The following CHRNB3 variants were observed in gnomAD, a reference collection of about 807,000 sequenced individuals.
CHRNB3 encodes cholinergic receptor nicotinic beta 3 subunit.
Under a neutral mutation model 40.6 loss-of-function variants are expected in CHRNB3, and 37 were observed. The observed-to-expected ratio is 0.91, with a 90% CI of 0.70 to 1.20. The LOEUF (loss-of-function observed/expected upper bound fraction) is 1.20. CHRNB3 is among the 50% of genes most tolerant of loss of function. CHRNB3 has a pLI of 0.00. For synonymous variants in CHRNB3, 207 were observed against 207.1 expected (o/e 1.00, Z 0.00); for missense variants, 505 against 551.2 (o/e 0.92, Z 0.84).
chr8:42,705,747 G>GCCT (rs1815910782), intron 1 of CHRNB3: 4 of 152,442 alleles, frequency 2.6e-5, no homozygotes, highest in Admixed American at 2.0e-4. Context: ...CCTGACCTGG[G>GCCT]GATAGATGGA....
Position 42,703,435 on chromosome 8 carries a change from A to AAAAAAAAAAAAATATATATATATATATAT in CHRNB3, c.53-5281_53-5280insAAAAAAAAAAATATATATATATATATATA. ...CAAGACTTCGTCTAAAAAAAAAAAA[A>AAAAAAAAAAAAATATATATATATATATAT]ATATTTATATATATATATATATATA... On this transcript the variant is annotated intron_variant, in intron 1 of 5. Coordinates refer to ENST00000289957, the MANE Select transcript of CHRNB3 (RefSeq NM_000749.5). Among the ~76,000 whole-genome samples the AAAAAAAAAAAAATATATATATATATATAT allele has an allele frequency of 4.6e-4, 22 of 47,380 alleles. 1 individual carries two copies. The highest frequency in any genetic ancestry group is 3.4e-3 in the East Asian group (3 of 874). The allele number at this position is 47,380 out of a possible 152,430, so 31.1% of individuals were successfully genotyped here. A position where few individuals can be genotyped will look rare whatever the true frequency, so the allele number is the denominator to read the frequency against.
intron 2 of CHRNB3, 119 bp from the exon 3 acceptor site, chr8:42,710,271 T>C: frequency 1.3e-6 from 1 of 742,132 alleles, no homozygotes; most frequent in Non-Finnish European, 2.3e-6. Flanking sequence ...TGAGCTATGG[T>C]GGCACCACTG....
intron 5 of CHRNB3, among the ~76,000 whole-genome samples, chr8:42,734,947 G>A (rs1413516815): frequency 1.3e-5 from 2 of 152,006 alleles, no homozygotes; most frequent in African/African-American, 2.4e-5. Flanking sequence ...AGGGCCAGGC[G>A]CGGTAGCTCA....
At chr8:42,725,751 G>A (rs1160450516) in intron 3 of CHRNB3, 1 of 916,632 alleles carries the variant, frequency 1.1e-6, no homozygotes, top group Non-Finnish European at 1.8e-6. Context: ...TCTTATTCGT[G>A]ACCTTGACTT....
Position 42,730,474 on chromosome 8 carries a change from G to A in CHRNB3, c.250-120G>A, listed in dbSNP as rs76413629. ...CCCAGTAGGGTCACGCAGTCCAACC[G>A]GGACAATTTCCTTTTCTTAATAAAA... On this transcript the variant is annotated intron_variant, in intron 3 of 5. Transcript: ENST00000289957. 2,396 of 621,408 alleles carry A rather than the reference G, an allele frequency of 3.9e-3. 52 individuals carry two copies. In the African/African-American group the frequency reaches 0.04, roughly 10 times the overall value. The allele number at this position is 621,408 out of a possible 1,614,324, so 38.5% of individuals were successfully genotyped here. A position where few individuals can be genotyped will look rare whatever the true frequency, so the allele number is the denominator to read the frequency against.
intron 1 of CHRNB3, among the ~76,000 whole-genome samples, chr8:42,701,964 T>C (rs1186796241): frequency 6.6e-6 from 1 of 152,208 alleles, no homozygotes; most frequent in Non-Finnish European, 1.5e-5. Flanking sequence ...AGATGTTAAC[T>C]GCTTGGAATC....
Position 42,697,590 on chromosome 8 carries a change from C to G in CHRNB3, c.44C>G (p.Pro15Arg). ...FMLVLIVLGI[P>R]SSATTGFNSI... ...CTGGTTCTCATCGTCCTTGGCATCC[C>G]TTCCTCAGGTAAGCACAAGTCACAG... The change falls in exon 1 of 6, where the codon CCT becomes CGT. Residue 15 changes from proline to arginine, a missense_variant. Transcript: ENST00000289957. 1.2e-6 allele frequency: 2 copies of G among 1,613,190 alleles called. No individual in the cohort carries two copies. The highest frequency in any genetic ancestry group is 1.7e-6 in the Non-Finnish European group (2 of 1,179,190).
At chr8:42,726,037 A>G in intron 3 of CHRNB3, 2 of 963,972 alleles carry the variant, frequency 2.1e-6, no homozygotes, top group Non-Finnish European at 3.3e-6. Flanking sequence ...GTACCTTGTC[A>G]CGTTTCTGTC....
intron 1 of CHRNB3, among the ~76,000 whole-genome samples, chr8:42,698,378 C>A (rs964150348): frequency 1.3e-5 from 2 of 152,158 alleles, no homozygotes; most frequent in Non-Finnish European, 2.9e-5. Context: ...CATCTGAAAC[C>A]GCAGCCAGAT....
At position 42,736,866 on chromosome 8, in the gene CHRNB3, G is replaced by A; in HGVS notation, c.*248G>A. On this transcript the variant is annotated 3_prime_UTR_variant, in exon 6 of 6. Coordinates refer to ENST00000289957, the MANE Select transcript of CHRNB3 (RefSeq NM_000749.5). ...TTGGCTTTCCCAGACATTCAGGGAGGGATCATAGGTCCAGGCTTGAGCTCA... is the reference window on the plus strand; with the variant it reads ...TTGGCTTTCCCAGACATTCAGGGAGAGATCATAGGTCCAGGCTTGAGCTCA... The A allele has an allele frequency of 1.9e-6, 1 of 536,726 alleles. No individual in the cohort carries two copies. Among genetic ancestry groups the A allele is most frequent in the East Asian group, 3.2e-5 (1 of 30,966 alleles). 33.2% of individuals were successfully genotyped at this position (536,726 alleles called of 1,614,324 possible).
rs1260702406 is a variant in CHRNB3 at position 42,710,385 on chromosome 8, C to T, written c.205-5C>T. 6.3e-7 allele frequency: 1 copy of T among 1,597,856 alleles called. No individual in the cohort carries two copies. Among genetic ancestry groups the T allele is most frequent in the South Asian group, 1.1e-5 (1 of 88,586 alleles). On this transcript the variant is annotated splice_region_variant and splice_polypyrimidine_tract_variant and intron_variant, in intron 2 of 5. Coordinates refer to ENST00000289957, the MANE Select transcript of CHRNB3 (RefSeq NM_000749.5). ...ACAGTATTTTTTAAATTTTCATTTT[C>T]TTAGGATGAAAAGAATCAGCTGATG... is the stretch of plus-strand genomic sequence containing the variant.
At chr8:42,733,592 CT>C (rs1208342996) in intron 5 of CHRNB3, among the ~76,000 whole-genome samples, 16,643 of 101,064 alleles carry the variant, frequency 0.16, 1,165 homozygotes, top group African/African-American at 0.31. Context: ...CATCCTTCTT[CT>C]TTTTTTTTTT....
At chr8:42,717,183 C>T (rs576822238) in intron 3 of CHRNB3, among the ~76,000 whole-genome samples, 19 of 134,106 alleles carry the variant, frequency 1.4e-4, no homozygotes, top group Non-Finnish European at 1.9e-4. Context: ...ACCATCCCGG[C>T]TAAAACGGTG....
chr8:42,698,907 T>A (rs1586388282), intron 1 of CHRNB3, among the ~76,000 whole-genome samples: 1 of 152,340 alleles, frequency 6.6e-6, no homozygotes, highest in South Asian at 2.1e-4. Flanking sequence ...CTGTGTACAA[T>A]CATGATTACA....
At position 42,708,794 on chromosome 8, in the gene CHRNB3, G is replaced by T. The variant is rs757807880; in HGVS notation, c.130G>T (p.Val44Phe). 8.7e-6 allele frequency: 14 copies of T among 1,614,062 alleles called. No individual in the cohort carries two copies. In the East Asian group the frequency reaches 2.9e-4, roughly 33 times the overall value. Residue 44 changes from valine to phenylalanine, a missense_variant, in exon 2 of 6, where the codon GTC (valine) becomes TTC (phenylalanine). By Grantham distance (50) the Val-to-Phe change is conservative. Transcript: ENST00000289957. ...TTTGTTCCAAGGTTATCAGAAATGG[G>T]TCCGCCCTGTATTACATTCTAATGA... The part of the protein sequence containing the change: ...RHLFQGYQKW[V>F]RPVLHSNDTI...
At chr8:42,708,467 A>G (rs1586394702) in intron 1 of CHRNB3, among the ~76,000 whole-genome samples, 1 of 118,036 alleles carries the variant, frequency 8.5e-6, no homozygotes, top group African/African-American at 2.8e-5. Flanking sequence ...CTCTGTCTCA[A>G]AAAAAATACA....
rs927346905 is a variant in CHRNB3 at position 42,702,566 on chromosome 8, C to T, written c.52+4968C>T. Among the ~76,000 whole-genome samples, 3 of 152,052 alleles carry T rather than the reference C, an allele frequency of 2.0e-5. No homozygotes were observed. In the South Asian group the frequency reaches 6.2e-4, roughly 32 times the overall value. On this transcript the variant is annotated intron_variant, in intron 1 of 5. Transcript: ENST00000289957. ...GATCACCAGGTCCAGAGATCGAGAC[C>T]ATCCTGGCCAACATATTGAAACCCT...
intron 3 of CHRNB3, chr8:42,726,203 ATT>A (rs1197750173): frequency 2.1e-5 from 21 of 978,934 alleles, no homozygotes; most frequent in Non-Finnish European, 3.2e-5. Context: ...AACCAAAGGG[ATT>A]TATCTTTGCT....
At chr8:42,703,653 G>T (rs116974994) in intron 1 of CHRNB3, among the ~76,000 whole-genome samples, 1 of 151,782 alleles carries the variant, frequency 6.6e-6, no homozygotes, top group Non-Finnish European at 1.5e-5. Flanking sequence ...AACCTTGAGC[G>T]CATCTGTGAT....
Sources: allele counts gnomAD v4.1 joint callset (sites outside exome capture counted in the v4.1 genomes callset), GRCh38; gene constraint gnomAD v4.1.1; transcripts MANE v1.5; gene names NCBI Gene and HGNC (gene_info 2026-07-23, HGNC 2026-07-21).